Variants in RBMS2 observed in about 807,000 individuals in gnomAD.
RBMS2 encodes RNA binding motif single stranded interacting protein 2.
Under a neutral mutation model 58.4 loss-of-function variants are expected in RBMS2, and 38 were observed. The observed-to-expected ratio is 0.65, with a 90% confidence interval of 0.50 to 0.85. RBMS2 has a LOEUF of 0.85. RBMS2 is among the 40% of genes least tolerant of loss of function. The pLI is 0.00. For synonymous variants in RBMS2, 151 were observed against 180.7 expected (o/e 0.84, Z 1.32); for missense variants, 367 against 503.7 (o/e 0.73, Z 2.60).
At chr12:56,557,936 C>G (rs1484834822) in intron 1 of RBMS2, among the ~76,000 whole-genome samples, 1 of 149,788 alleles carries the variant, frequency 6.7e-6, no homozygotes, top group African/African-American at 2.4e-5. Flanking sequence ...CGGGGTTTCT[C>G]CATGTTGGTC....
chr12:56,574,556 CAA>C (rs753916704), intron 5 of RBMS2, among the ~76,000 whole-genome samples: 1 of 152,178 alleles, frequency 6.6e-6, no homozygotes, highest in Non-Finnish European at 1.5e-5. Flanking sequence ...TGTTTTTCTT[CAA>C]AGAGTTAAAA....
At chr12:56,550,004 C>G (rs1390184481) in intron 1 of RBMS2, among the ~76,000 whole-genome samples, 6 of 151,536 alleles carry the variant, frequency 4.0e-5, no homozygotes, top group African/African-American at 1.5e-4. Flanking sequence ...CCAGCCTGGG[C>G]AACAAGAGCG....
intron 1 of RBMS2, among the ~76,000 whole-genome samples, chr12:56,540,280 G>A (rs1203641164): frequency 6.6e-6 from 1 of 152,160 alleles, no homozygotes; most frequent in East Asian, 1.9e-4. Flanking sequence ...ATGAATAGAT[G>A]TCAGCTCCTT....
chr12:56,541,938 C>A (rs1876163826), intron 1 of RBMS2, among the ~76,000 whole-genome samples: 1 of 152,046 alleles, frequency 6.6e-6, no homozygotes, highest in South Asian at 2.1e-4. Context: ...TGATAACAAT[C>A]CAGAGAGAAG....
intron 1 of RBMS2, among the ~76,000 whole-genome samples, chr12:56,522,649 A>C (rs1871940281): frequency 6.6e-6 from 1 of 152,112 alleles, no homozygotes; most frequent in Admixed American, 6.6e-5. Flanking sequence ...GAGACATCGC[A>C]CCTTGGGATT....
At chr12:56,564,239 C>T (rs1285576153) in intron 2 of RBMS2, among the ~76,000 whole-genome samples, 4 of 151,642 alleles carry the variant, frequency 2.6e-5, no homozygotes, top group South Asian at 2.1e-4. Flanking sequence ...TGTGAGCCAC[C>T]GTGCCTCGCT....
In RBMS2 at chr12:56,532,948, T is replaced by A. The variant is rs1874042714; in HGVS notation, c.66+10859T>A. ...TTTATTTTATTTTATTTTATTTTATTTTTTGAGACTGGGTCTCACTTTGTC... is the reference window on the plus strand; with the variant it reads ...TTTATTTTATTTTATTTTATTTTATATTTTGAGACTGGGTCTCACTTTGTC... On this transcript the variant is annotated intron_variant, in intron 1 of 13. Coordinates refer to ENST00000262031, the MANE Select transcript of RBMS2 (RefSeq NM_002898.4). Among the ~76,000 whole-genome samples, 3 of 142,572 alleles carry A rather than the reference T, an allele frequency of 2.1e-5. No homozygotes were observed. In the South Asian group the frequency reaches 6.6e-4, roughly 31 times the overall value. The allele number at this position is 142,572 out of a possible 152,430, so 93.5% of individuals were successfully genotyped here.
intron 5 of RBMS2, among the ~76,000 whole-genome samples, chr12:56,577,042 A>T (rs2136518547): frequency 6.6e-6 from 1 of 151,314 alleles, no homozygotes; most frequent in South Asian, 2.1e-4. Context: ...TTCCAAAAAA[A>T]AAAAAAAAAA....
At chr12:56,534,940 C>T (rs1874483059) in intron 1 of RBMS2, among the ~76,000 whole-genome samples, 3 of 152,142 alleles carry the variant, frequency 2.0e-5, no homozygotes, top group Admixed American at 2.0e-4. Context: ...GGCGCCCAGC[C>T]CCAGTAAATG....
intron 1 of RBMS2, among the ~76,000 whole-genome samples, chr12:56,560,889 A>AT (rs909266176): frequency 3.2e-4 from 49 of 151,998 alleles, no homozygotes; most frequent in African/African-American, 1.2e-3. Flanking sequence ...CCTATTAGTT[A>AT]TTTTTCCTGT....
chr12:56,549,529 G>C (rs1877854742), intron 1 of RBMS2, among the ~76,000 whole-genome samples: 1 of 152,098 alleles, frequency 6.6e-6, no homozygotes, highest in Non-Finnish European at 1.5e-5. Context: ...TGAAGTTTCT[G>C]CTACAGGTAC....
chr12:56,568,487 G>A (rs568981229), intron 2 of RBMS2, among the ~76,000 whole-genome samples: 2 of 152,058 alleles, frequency 1.3e-5, no homozygotes, highest in East Asian at 3.9e-4. Flanking sequence ...GGTACCTTTG[G>A]GGAGGATGGG....
Position 56,590,622 on chromosome 12 carries a change from C to G in RBMS2, c.*1489C>G, listed in dbSNP as rs552383390. The G allele has an allele frequency of 5.9e-5, 9 of 152,364 alleles. No homozygotes were observed. Among genetic ancestry groups the G allele is most frequent in the African/African-American group, 2.2e-4 (9 of 41,560 alleles). The allele number at this position is 152,364 out of a possible 1,614,324, so 9.4% of individuals were successfully genotyped here. A position where few individuals can be genotyped will look rare whatever the true frequency, so the allele number is the denominator to read the frequency against. On this transcript the variant is annotated 3_prime_UTR_variant, in exon 14 of 14. Coordinates refer to ENST00000262031, the MANE Select transcript of RBMS2 (RefSeq NM_002898.4). ...ACAGTGCCTTTTGACACTCATGCAA[C>G]TGTTGGGGAAGGACTGGACTGGGAT...
chr12:56,536,293 T>G (rs1263693352), intron 1 of RBMS2, among the ~76,000 whole-genome samples: 2 of 151,602 alleles, frequency 1.3e-5, no homozygotes, highest in Non-Finnish European at 2.9e-5. Flanking sequence ...CCCGGCTAAT[T>G]TTTGTATTTT....
chr12:56,537,277 T>C (rs1441246317), intron 1 of RBMS2, among the ~76,000 whole-genome samples: 2 of 152,192 alleles, frequency 1.3e-5, no homozygotes, highest in African/African-American at 4.8e-5. Context: ...ATTTACATTG[T>C]TGTGCAACCC....
chr12:56,530,008 C>T (rs1054835885), intron 1 of RBMS2, among the ~76,000 whole-genome samples: 3 of 152,172 alleles, frequency 2.0e-5, no homozygotes, highest in Non-Finnish European at 4.4e-5. Context: ...CTCCTGAGCT[C>T]AAGGGATCCT....
chr12:56,569,160 T>A, intron 3 of RBMS2, 127 bp downstream of exon 3: 1 of 824,826 alleles, frequency 1.2e-6, no homozygotes, highest in Non-Finnish European at 1.9e-6. Flanking sequence ...TTTTTAGGCT[T>A]AAAAGATTAG....
intron 2 of RBMS2, among the ~76,000 whole-genome samples, chr12:56,565,659 A>G (rs1314467903): frequency 1.3e-5 from 2 of 152,214 alleles, no homozygotes; most frequent in African/African-American, 4.8e-5. Flanking sequence ...TGAGCAGAGC[A>G]GGTGGGTGGA....
intron 1 of RBMS2, among the ~76,000 whole-genome samples, chr12:56,522,858 T>C (rs58602829): frequency 5.1e-4 from 78 of 152,350 alleles, no homozygotes; most frequent in African/African-American, 1.9e-3. Flanking sequence ...TGGCAGTTTC[T>C]GGCATTTCAG....
Sources: allele counts gnomAD v4.1 joint callset (sites outside exome capture counted in the v4.1 genomes callset), GRCh38; gene constraint gnomAD v4.1.1; transcripts MANE v1.5; gene names NCBI Gene and HGNC (gene_info 2026-07-23, HGNC 2026-07-21).